CLVS1: variants seen among roughly 807,000 people sequenced by gnomAD.
CLVS1 encodes the protein clavesin 1.
In CLVS1, 10 loss-of-function variants were observed where a neutral mutation model predicts 33.1. The observed-to-expected ratio is 0.30, with a 90% confidence interval of 0.19 to 0.51. CLVS1 has a LOEUF of 0.51. CLVS1 is among the 20% of genes least tolerant of loss of function. The pLI is 0.97. For synonymous variants in CLVS1, 163 were observed against 166.1 expected (o/e 0.98, Z 0.14); for missense variants, 343 against 433.4 (o/e 0.79, Z 1.85).
intron 5 of CLVS1, among the ~76,000 whole-genome samples, chr8:61,468,886 A>G (rs1817646561): frequency 6.6e-6 from 1 of 152,186 alleles, no homozygotes; most frequent in African/African-American, 2.4e-5. Context: ...AGGGGCAGAA[A>G]AGCACATGTT....
chr8:61,246,626 C>T (rs1808816041), intron 2 of CLVS1, among the ~76,000 whole-genome samples: 1 of 152,060 alleles, frequency 6.6e-6, no homozygotes, highest in South Asian at 2.1e-4. Flanking sequence ...ATTCTTCTAT[C>T]TGCAGTCCTT....
intron 5 of CLVS1, among the ~76,000 whole-genome samples, chr8:61,475,199 C>T (rs377248823): frequency 2.6e-5 from 4 of 152,048 alleles, no homozygotes; most frequent in African/African-American, 4.8e-5. Context: ...TCTATCATTG[C>T]TGGACATTTG....
the CLVS1 span, among the ~76,000 whole-genome samples, chr8:60,980,507 C>T: frequency 2.3e-4 from 35 of 152,242 alleles, no homozygotes; most frequent in South Asian, 1.9e-3. Context: ...AAAAAGGGGC[C>T]GGGTGGGATA....
At chr8:61,135,735 C>G (rs946645211) in intron 2 of CLVS1, among the ~76,000 whole-genome samples, 1 of 152,176 alleles carries the variant, frequency 6.6e-6, no homozygotes, top group African/African-American at 2.4e-5. Context: ...CCTATCTGAT[C>G]TGGGGGTCTT....
intron 3 of CLVS1, among the ~76,000 whole-genome samples, chr8:61,432,699 T>C (rs750107194): frequency 1.3e-5 from 2 of 152,218 alleles, no homozygotes; most frequent in African/African-American, 2.4e-5. Context: ...ATATCTGTTA[T>C]ATAAATAGAT....
At chr8:61,350,943 G>T (rs150436011) in intron 2 of CLVS1, among the ~76,000 whole-genome samples, 2 of 152,098 alleles carry the variant, frequency 1.3e-5, no homozygotes, top group Non-Finnish European at 2.9e-5. Flanking sequence ...GTGTATGGAA[G>T]GTTGGTGAGG....
chr8:61,348,372 C>A (rs928430753), intron 2 of CLVS1, among the ~76,000 whole-genome samples: 1 of 151,466 alleles, frequency 6.6e-6, no homozygotes, highest in African/African-American at 2.4e-5. Flanking sequence ...AGGAGATATA[C>A]CTAATGTAAA....
intron 2 of CLVS1, among the ~76,000 whole-genome samples, chr8:61,329,932 A>C (rs1190792632): frequency 2.0e-5 from 3 of 152,126 alleles, no homozygotes; most frequent in Admixed American, 2.0e-4. Flanking sequence ...CCTTGCCATT[A>C]GCTTTAGACT....
chr8:61,306,793 A>C (rs1810644687), intron 2 of CLVS1, among the ~76,000 whole-genome samples: 1 of 152,144 alleles, frequency 6.6e-6, no homozygotes, highest in South Asian at 2.1e-4. Context: ...CCCTTTCTCC[A>C]TATCTTTGTC....
At position 61,499,711 on chromosome 8, in the gene CLVS1, A is replaced by AGTT. The variant is rs1166464281; in HGVS notation, c.*171_*173dup. The AGTT allele has an allele frequency of 2.2e-6, 1 of 448,300 alleles. No individual in the cohort carries two copies. Among genetic ancestry groups the AGTT allele is most frequent in the African/African-American group, 1.9e-5 (1 of 51,598 alleles). 27.8% of individuals were successfully genotyped at this position (448,300 alleles called of 1,614,324 possible). On this transcript the variant is annotated 3_prime_UTR_variant, in exon 6 of 6. Transcript: ENST00000325897. ...ACCAGCCATCGGTCTGAGCAGCCAA[A>AGTT]GTTGGACAAAGACTTGAGAGATGCT...
At chr8:61,422,724 T>C (rs987331584) in intron 3 of CLVS1, among the ~76,000 whole-genome samples, 2 of 152,214 alleles carry the variant, frequency 1.3e-5, no homozygotes, top group Non-Finnish European at 2.9e-5. Flanking sequence ...TTTTGAAATA[T>C]GAATCACTTT....
At chr8:61,225,662 A>T (rs1024683085) in intron 2 of CLVS1, among the ~76,000 whole-genome samples, 2 of 152,248 alleles carry the variant, frequency 1.3e-5, no homozygotes, top group African/African-American at 4.8e-5. Flanking sequence ...AAAAAATCCT[A>T]CTTTATTTTT....
chr8:61,457,906 G>C (rs759033078), intron 4 of CLVS1, among the ~76,000 whole-genome samples: 82 of 152,334 alleles, frequency 5.4e-4, no homozygotes, highest in African/African-American at 1.7e-3. Flanking sequence ...GCCAGGGAAG[G>C]GGGGAAGGAT....
the CLVS1 span, among the ~76,000 whole-genome samples, chr8:61,044,930 T>C: frequency 8.5e-5 from 13 of 152,320 alleles, no homozygotes; most frequent in South Asian, 2.7e-3. Context: ...GATCTTTGGA[T>C]TGCATGTAAA....
chr8:61,189,836 C>A (rs1030598837), intron 2 of CLVS1, among the ~76,000 whole-genome samples: 6 of 152,132 alleles, frequency 3.9e-5, no homozygotes, highest in South Asian at 2.1e-4. Flanking sequence ...TCCTAAATAT[C>A]TATGCACCCA....
At chr8:61,012,545 G>A in the CLVS1 span, among the ~76,000 whole-genome samples, 3 of 152,230 alleles carry the variant, frequency 2.0e-5, no homozygotes, top group South Asian at 2.1e-4. Flanking sequence ...GTACTTGTGA[G>A]TGTCGTGTTG....
intron 2 of CLVS1, among the ~76,000 whole-genome samples, chr8:61,166,030 C>CTTTTTTTT (rs1394098764): frequency 2.9e-5 from 1 of 33,932 alleles, no homozygotes; most frequent in Non-Finnish European, 1.2e-4. Flanking sequence ...AGCATCTAAG[C>CTTTTTTTT]GTTTTTTTTT....
At chr8:61,338,212 A>G (rs73682260) in intron 2 of CLVS1, among the ~76,000 whole-genome samples, 8,646 of 152,196 alleles carry the variant, frequency 0.057, 623 homozygotes, top group East Asian at 0.18. Flanking sequence ...TTTCAGTTAA[A>G]CTGAATTGTT....
At chr8:61,082,203 GAA>G (rs1395706725) in intron 1 of CLVS1, among the ~76,000 whole-genome samples, 1 of 152,114 alleles carries the variant, frequency 6.6e-6, no homozygotes, top group East Asian at 1.9e-4. Context: ...CATGGCCAAG[GAA>G]AAAAGTCAGT....
Sources: gnomAD v4.1 joint callset for allele counts (sites outside exome capture counted in the v4.1 genomes callset) on GRCh38, gnomAD v4.1.1 for gene constraint, MANE v1.5 for transcripts, NCBI Gene and HGNC (gene_info 2026-07-23, HGNC 2026-07-21) for gene names.